RAB21: variants seen among roughly 807,000 people sequenced by gnomAD.
RAB21 encodes the protein RAB21, member RAS oncogene family.
A neutral mutation model predicts 33.1 loss-of-function variants in RAB21; 13 were observed. The ratio of observed to expected loss-of-function variants is 0.39; its 90% CI spans 0.26 to 0.62. The LOEUF (loss-of-function observed/expected upper bound fraction) is 0.62, where lower values mean the gene tolerates loss of function less well. RAB21 is among the 20% of genes least tolerant of loss of function. The probability of loss-of-function intolerance (pLI) is 0.48; values close to 1 mark genes in which losing one functional copy is unlikely to be tolerated. For synonymous variants in RAB21, 91 were observed against 103.7 expected (o/e 0.88, Z 0.74); for missense variants, 234 against 279.1 (o/e 0.84, Z 1.15).
chr12:71,776,978 C>A (rs1419875589), intron 4 of RAB21, among the ~76,000 whole-genome samples: 1 of 152,126 alleles, frequency 6.6e-6, no homozygotes, highest in African/African-American at 2.4e-5. Flanking sequence ...TGGAGAACAA[C>A]TTATTTTTTC....
chr12:71,766,748 A>G (rs973962568), intron 1 of RAB21, among the ~76,000 whole-genome samples: 1 of 152,128 alleles, frequency 6.6e-6, no homozygotes, highest in African/African-American at 2.4e-5. Context: ...CCATATTTGG[A>G]TAGGTGGAAT....
chr12:71,759,810 G>A (rs1284483286), intron 1 of RAB21, among the ~76,000 whole-genome samples: 3 of 152,170 alleles, frequency 2.0e-5, no homozygotes, highest in Admixed American at 2.0e-4. Context: ...AAAGAGAAAG[G>A]ACTTTGAAGT....
intron 1 of RAB21, among the ~76,000 whole-genome samples, chr12:71,765,392 A>C (rs754229659): frequency 6.6e-6 from 1 of 150,536 alleles, no homozygotes. Context: ...ATTTTCTTCC[A>C]CTCTGGGTTG....
Position 71,773,942 on chromosome 12 carries a change from C to T in RAB21, c.328-17C>T, listed in dbSNP as rs1206397883. 17 of 1,553,008 alleles carry T rather than the reference C, an allele frequency of 1.1e-5. No homozygotes were observed. Among genetic ancestry groups the T allele is most frequent in the African/African-American group, 2.8e-5 (2 of 72,176 alleles). ...CCAACAGGATTTGTTTTAATATGTGCTCTTTTGTATATACAGGTAAAAAAC... is the reference window on the plus strand; with the variant it reads ...CCAACAGGATTTGTTTTAATATGTGTTCTTTTGTATATACAGGTAAAAAAC... On this transcript the variant is annotated splice_polypyrimidine_tract_variant and intron_variant, in intron 3 of 6. Transcript: ENST00000261263.
chr12:71,770,766 C>T (rs941952641), intron 3 of RAB21, 67 bp downstream of exon 3: 39 of 982,762 alleles, frequency 4.0e-5, no homozygotes, highest in Admixed American at 1.0e-4. Context: ...ATTAATATAC[C>T]TTTATTCACT....
At chr12:71,773,110 T>G (rs1883068073) in intron 3 of RAB21, among the ~76,000 whole-genome samples, 1 of 152,244 alleles carries the variant, frequency 6.6e-6, no homozygotes, top group Non-Finnish European at 1.5e-5. Flanking sequence ...AAGGCAGGTG[T>G]CCAAGTTTGC....
intron 1 of RAB21, among the ~76,000 whole-genome samples, chr12:71,767,439 A>G (rs1488976409): frequency 6.6e-6 from 1 of 152,168 alleles, no homozygotes; most frequent in East Asian, 1.9e-4. Flanking sequence ...ACTTATTAAA[A>G]ATGATAACCT....
chr12:71,777,358 A>T (rs1883136804), intron 4 of RAB21, among the ~76,000 whole-genome samples: 1 of 152,056 alleles, frequency 6.6e-6, no homozygotes, highest in Non-Finnish European at 1.5e-5. Flanking sequence ...CGATTCCTTT[A>T]TGTTGTATAT....
intron 4 of RAB21, among the ~76,000 whole-genome samples, chr12:71,780,847 C>A (rs911661827): frequency 2.0e-5 from 3 of 152,086 alleles, no homozygotes; most frequent in African/African-American, 2.4e-5. Context: ...AAAAAAGTAA[C>A]CTTATTTATA....
At chr12:71,764,248 G>A (rs1882925509) in intron 1 of RAB21, among the ~76,000 whole-genome samples, 1 of 152,086 alleles carries the variant, frequency 6.6e-6, no homozygotes, top group Non-Finnish European at 1.5e-5. Context: ...GAGTGAGTAG[G>A]TTCATGGATT....
rs757125775 is a variant in RAB21, at chr12:71,785,591, G to A, written c.596G>A (p.Gly199Glu). Reference sequence around the variant, plus strand: ...AAAGGCAATGGCTCTAGTCAGCCGGGAACTGCAAGGCGAGGTGTACAGATT... The same window carrying A: ...AAAGGCAATGGCTCTAGTCAGCCGGAAACTGCAAGGCGAGGTGTACAGATT... Reference protein sequence around the residue: ...RAKGNGSSQPGTARRGVQIID... With the variant: ...RAKGNGSSQPETARRGVQIID... The change falls in exon 7 of 7, where the codon GGA (glycine) becomes GAA (glutamate). Residue 199 changes from glycine to glutamate, a missense_variant. Transcript: ENST00000261263. The A allele has an allele frequency of 2.5e-6, 4 of 1,614,194 alleles. No individual in the cohort carries two copies. Among genetic ancestry groups the A allele is most frequent in the Non-Finnish European group, 3.4e-6 (4 of 1,180,028 alleles).
At position 71,797,037 on chromosome 12, in the gene RAB21, G is replaced by A. The variant is rs368525823; in HGVS notation, c.*11364G>A. 12 of 152,136 alleles carry A rather than the reference G, an allele frequency of 7.9e-5. No homozygotes were observed. The highest frequency in any genetic ancestry group is 2.9e-4 in the African/African-American group (12 of 41,436). 9.4% of individuals were successfully genotyped at this position (152,136 alleles called of 1,614,324 possible). A position where few individuals can be genotyped will look rare whatever the true frequency, so the allele number is the denominator to read the frequency against. On this transcript the variant is annotated 3_prime_UTR_variant, in exon 7 of 7. Coordinates refer to ENST00000261263, the MANE Select transcript of RAB21 (RefSeq NM_014999.4). The stretch of plus-strand genomic sequence containing the variant: ...AGATTCAGAATTTAATAGACACTTC[G>A]TGTTTCCATTTTCATAATGGGGGTT...
Position 71,755,158 on chromosome 12 carries a change from G to GAGC in RAB21, c.29_30insAGC (p.Ala14dup), listed in dbSNP as rs772059783. The GAGC allele has an allele frequency of 7.7e-7, 1 of 1,302,880 alleles. No individual in the cohort carries two copies. The highest frequency in any genetic ancestry group is 1.5e-5 in the African/African-American group (1 of 64,552). 80.7% of individuals were successfully genotyped at this position (1,302,880 alleles called of 1,614,324 possible). Reference sequence around the variant, plus strand: ...GCTGCGGCCGGCGGCGGCGGCGGCGGGGCGGCGGCGGCGGGCCGAGCCTAC... The same window carrying GAGC: ...GCTGCGGCCGGCGGCGGCGGCGGCGGAGCGGCGGCGGCGGCGGGCCGAGCCTAC... On this transcript the variant is annotated inframe_insertion, in exon 1 of 7. Transcript: ENST00000261263.
rs962697522 is a variant in RAB21, at chr12:71,795,040, A to G, written c.*9367A>G. 5.9e-5 allele frequency: 9 copies of G among 152,114 alleles called. No individual in the cohort carries two copies. The highest frequency in any genetic ancestry group is 2.2e-4 in the African/African-American group (9 of 41,424). The allele number at this position is 152,114 out of a possible 1,614,324, so 9.4% of individuals were successfully genotyped here. On this transcript the variant is annotated 3_prime_UTR_variant, in exon 7 of 7. Coordinates refer to ENST00000261263, the MANE Select transcript of RAB21 (RefSeq NM_014999.4). The stretch of plus-strand genomic sequence containing the variant: ...TGGAATGTTTGACAGGGATAAGATT[A>G]TTGAAAATTGGGGGGAATTTTCTTA...
At chr12:71,767,464 C>T (rs1424857622) in intron 1 of RAB21, among the ~76,000 whole-genome samples, 5 of 152,044 alleles carry the variant, frequency 3.3e-5, no homozygotes, top group African/African-American at 1.2e-4. Flanking sequence ...GGGAACCCTT[C>T]GATGAGTTGT....
intron 1 of RAB21, among the ~76,000 whole-genome samples, chr12:71,756,038 G>A (rs368975006): frequency 1.3e-5 from 2 of 152,168 alleles, no homozygotes; most frequent in African/African-American, 4.8e-5. Flanking sequence ...TTGATTGAGA[G>A]TGAAGCCAGG....
chr12:71,759,555 A>C (rs1882839889), intron 1 of RAB21, among the ~76,000 whole-genome samples: 1 of 152,244 alleles, frequency 6.6e-6, no homozygotes, highest in Admixed American at 6.5e-5. Context: ...AACAGTTGTT[A>C]ATGGAGTGCT....
chr12:71,761,987 T>C (rs1882878903), intron 1 of RAB21, among the ~76,000 whole-genome samples: 1 of 152,226 alleles, frequency 6.6e-6, no homozygotes, highest in African/African-American at 2.4e-5. Context: ...TTTAAGTGAT[T>C]TATTATAATA....
chr12:71,758,504 CT>C (rs555367340), intron 1 of RAB21, among the ~76,000 whole-genome samples: 245 of 145,372 alleles, frequency 1.7e-3, no homozygotes, highest in Admixed American at 3.0e-3. Context: ...AATCCTTTCA[CT>C]TTTTTTTTTT....
Sources: allele counts gnomAD v4.1 joint callset (sites outside exome capture counted in the v4.1 genomes callset), GRCh38; gene constraint gnomAD v4.1.1; transcripts MANE v1.5; gene names NCBI Gene and HGNC (gene_info 2026-07-23, HGNC 2026-07-21).